SLC8A1: variants seen among roughly 807,000 people sequenced by gnomAD.
SLC8A1 encodes the protein solute carrier family 8 member A1.
SLC8A1 carries 18 observed loss-of-function variants against 68.3 expected under a neutral mutation model. The ratio of observed to expected loss-of-function variants is 0.26; its 90% CI spans 0.18 to 0.39. The LOEUF (loss-of-function observed/expected upper bound fraction) is 0.39. Ranked by LOEUF, SLC8A1 falls within the 10% of genes least tolerant of loss-of-function variation. SLC8A1 has a pLI of 1.00. For missense variants in SLC8A1, 985 were observed against 1,156.7 expected, an observed-to-expected ratio of 0.85 and a Z score of 2.15; for synonymous variants, 475 against 415.5, an observed-to-expected ratio of 1.14 and a Z score of -1.74.
intron 2 of SLC8A1, among the ~76,000 whole-genome samples, chr2:40,356,798 A>G (rs1304370356): frequency 6.6e-6 from 1 of 152,156 alleles, no homozygotes; most frequent in East Asian, 1.9e-4. Context: ...CAGCTTCCAC[A>G]TGCCTTGTTA....
chr2:40,335,561 C>T lies in SLC8A1; in HGVS notation c.1808+92912G>A, dbSNP rs772227100. Among the ~76,000 whole-genome samples, 11 of 152,356 alleles carry T rather than the reference C, an allele frequency of 7.2e-5. 1 individual carries two copies. The highest frequency in any genetic ancestry group is 2.4e-4 in the African/African-American group (10 of 41,586). ...CTTTTAAGAAATACAATGAACATAG[C>T]TTCCTTTCCCTTAATTGTATTTTTA... On this transcript the variant is annotated intron_variant, in intron 2 of 7. Transcript: ENST00000406785.
chr2:40,449,111 TCA>T (rs1701965563), intron 1 of SLC8A1, among the ~76,000 whole-genome samples: 1 of 147,330 alleles, frequency 6.8e-6, no homozygotes, highest in Non-Finnish European at 1.5e-5. Flanking sequence ...CTAAAAGGCA[TCA>T]CAAAGAAAGA....
intron 2 of SLC8A1, among the ~76,000 whole-genome samples, chr2:40,200,593 A>T (rs924831541): frequency 6.6e-6 from 1 of 151,450 alleles, no homozygotes; most frequent in Non-Finnish European, 1.5e-5. Context: ...CCCACTTACT[A>T]TATCACCTCT....
At chr2:40,238,823 T>C (rs1328699145) in intron 2 of SLC8A1, among the ~76,000 whole-genome samples, 2 of 152,206 alleles carry the variant, frequency 1.3e-5, no homozygotes, top group African/African-American at 2.4e-5. Flanking sequence ...TATATCATTA[T>C]ATATAGAAGC....
chr2:40,252,674 A>G (rs1297684225), intron 2 of SLC8A1, among the ~76,000 whole-genome samples: 4 of 151,478 alleles, frequency 2.6e-5, no homozygotes, highest in Non-Finnish European at 5.9e-5. Flanking sequence ...TTCTCTCCAG[A>G]CCTGTCATCA....
chr2:40,238,721 G>A (rs1201675220), intron 2 of SLC8A1, among the ~76,000 whole-genome samples: 3 of 152,144 alleles, frequency 2.0e-5, no homozygotes, highest in Non-Finnish European at 4.4e-5. Flanking sequence ...CTATTGTAAA[G>A]TTAAGTATGA....
intron 2 of SLC8A1, among the ~76,000 whole-genome samples, chr2:40,404,263 T>C (rs1015282808): frequency 2.6e-5 from 4 of 152,198 alleles, no homozygotes; most frequent in African/African-American, 7.2e-5. Flanking sequence ...TGTACACAAA[T>C]CTGACAACAT....
At position 40,386,315 on chromosome 2, in the gene SLC8A1, T is replaced by C. The variant is rs960301005; in HGVS notation, c.1808+42158A>G. ...ATAATGAGTCTATTTTACTTTCAAA[T>C]GGTAAATGTGTGTGTGTATATAACA... On this transcript the variant is annotated intron_variant, in intron 2 of 7. Coordinates refer to ENST00000406785, the Ensembl canonical transcript of SLC8A1. Among the ~76,000 whole-genome samples, 8 of 151,186 alleles carry C rather than the reference T, an allele frequency of 5.3e-5. 1 individual carries two copies. Among genetic ancestry groups the C allele is most frequent in the African/African-American group, 1.5e-4 (6 of 40,706 alleles).
At chr2:40,353,835 G>C (rs1019988984) in intron 2 of SLC8A1, among the ~76,000 whole-genome samples, 10 of 152,124 alleles carry the variant, frequency 6.6e-5, no homozygotes, top group African/African-American at 1.9e-4. Flanking sequence ...CTTCAGTAGA[G>C]GTAAACCTCT....
At chr2:40,115,718 C>A (rs1273671057) in intron 7 of SLC8A1, 89 bp from the exon 11 acceptor site, 9 of 1,492,664 alleles carry the variant, frequency 6.0e-6, no homozygotes, top group Non-Finnish European at 8.0e-6. Context: ...ACTCTAGGAC[C>A]CAACCCTTAA....
At chr2:40,274,083 A>G (rs965119914) in intron 2 of SLC8A1, among the ~76,000 whole-genome samples, 40 of 150,828 alleles carry the variant, frequency 2.7e-4, no homozygotes, top group African/African-American at 9.5e-4. Context: ...TCATTTCATC[A>G]TATTTGCTCA....
intron 2 of SLC8A1, among the ~76,000 whole-genome samples, chr2:40,417,347 G>C (rs919369264): frequency 6.6e-6 from 1 of 152,168 alleles, no homozygotes; most frequent in East Asian, 1.9e-4. Flanking sequence ...CTTTGGGAAG[G>C]TTGGCCCAGG....
At chr2:40,128,789 C>A (rs1227638952) in intron 7 of SLC8A1, among the ~76,000 whole-genome samples, 1 of 152,116 alleles carries the variant, frequency 6.6e-6, no homozygotes, top group East Asian at 1.9e-4. Flanking sequence ...ATGTAATTTA[C>A]AAATATATAG....
At chr2:40,302,303 A>G (rs1054514122) in intron 2 of SLC8A1, among the ~76,000 whole-genome samples, 2 of 151,850 alleles carry the variant, frequency 1.3e-5, no homozygotes, top group African/African-American at 2.4e-5. Flanking sequence ...CTTAGCTCCC[A>G]TTTATGAGTG....
At chr2:40,404,693 T>C (rs1007419843) in intron 2 of SLC8A1, among the ~76,000 whole-genome samples, 2 of 152,162 alleles carry the variant, frequency 1.3e-5, no homozygotes, top group South Asian at 2.1e-4. Context: ...AAAGTAAAAC[T>C]AGAGCATTTC....
At chr2:40,130,599 A>G (rs2039130250) in intron 7 of SLC8A1, among the ~76,000 whole-genome samples, 1 of 152,248 alleles carries the variant, frequency 6.6e-6, no homozygotes, top group Admixed American at 6.5e-5. Context: ...TTGGTAGTAA[A>G]GAAACGTGTT....
intron 2 of SLC8A1, among the ~76,000 whole-genome samples, chr2:40,187,300 G>A (rs1573769489): frequency 6.6e-6 from 1 of 152,144 alleles, no homozygotes; most frequent in African/African-American, 2.4e-5. Flanking sequence ...CCTGACAAAC[G>A]GTGGTGGTGC....
At chr2:40,232,164 G>C (rs1039117160) in intron 2 of SLC8A1, among the ~76,000 whole-genome samples, 1 of 152,022 alleles carries the variant, frequency 6.6e-6, no homozygotes, top group Non-Finnish European at 1.5e-5. Context: ...AACGGGCTTT[G>C]GAAACGGAAA....
At chr2:40,474,378 T>G (rs141290019) in intron 1 of SLC8A1, among the ~76,000 whole-genome samples, 355 of 152,276 alleles carry the variant, frequency 2.3e-3, no homozygotes, top group Middle Eastern at 6.8e-3. Flanking sequence ...AGTTTACTCT[T>G]GGACAAAAAC....
Sources: gnomAD v4.1 joint callset for allele counts (sites outside exome capture counted in the v4.1 genomes callset) on GRCh38, gnomAD v4.1.1 for gene constraint, MANE v1.5 for transcripts, NCBI Gene and HGNC (gene_info 2026-07-23, HGNC 2026-07-21) for gene names.